The following PDE10A variants were observed in gnomAD, a reference collection of about 807,000 sequenced individuals.
PDE10A encodes phosphodiesterase 10A.
PDE10A carries 39 observed loss-of-function variants against 97.7 expected under a neutral mutation model. That is an observed-to-expected ratio of 0.40 (90% CI 0.31 to 0.52). The LOEUF (loss-of-function observed/expected upper bound fraction) is 0.52. PDE10A is among the 20% of genes least tolerant of loss of function. The pLI is 0.56. For synonymous variants in PDE10A, 371 were observed against 376.8 expected (o/e 0.98, Z 0.18); for missense variants, 731 against 1,047.8 (o/e 0.70, Z 4.17).
chr6:165,804,704 C>T (rs2128466117), intron 1 of PDE10A, among the ~76,000 whole-genome samples: 1 of 152,018 alleles, frequency 6.6e-6, no homozygotes, highest in East Asian at 2.0e-4. Context: ...AGAGCAGAGG[C>T]ACCGGCTCGG....
chr6:165,643,542 T>C (rs144092085), intron 1 of PDE10A, among the ~76,000 whole-genome samples: 2 of 152,258 alleles, frequency 1.3e-5, no homozygotes, highest in Non-Finnish European at 1.5e-5. Context: ...TTTCTTCTTT[T>C]GGAAATCGGA....
At chr6:165,947,778 G>A (rs940737868) in intron 1 of PDE10A, among the ~76,000 whole-genome samples, 2 of 152,030 alleles carry the variant, frequency 1.3e-5, no homozygotes, top group African/African-American at 4.8e-5. Flanking sequence ...AACAGGAAGG[G>A]GCTTCTCTTT....
At chr6:165,542,826 G>A (rs576910195) in intron 2 of PDE10A, among the ~76,000 whole-genome samples, 1 of 151,906 alleles carries the variant, frequency 6.6e-6, no homozygotes, top group Non-Finnish European at 1.5e-5. Context: ...CACTGTGTTA[G>A]CTAGGATGGT....
chr6:165,750,679 TGAG>T (rs1346524478), intron 1 of PDE10A, among the ~76,000 whole-genome samples: 3 of 152,208 alleles, frequency 2.0e-5, no homozygotes, highest in Non-Finnish European at 2.9e-5. Context: ...TTGACTGTCA[TGAG>T]GAGTTTTCCT....
intron 1 of PDE10A, among the ~76,000 whole-genome samples, chr6:165,556,800 G>C (rs1390470448): frequency 6.6e-6 from 1 of 151,962 alleles, no homozygotes; most frequent in Non-Finnish European, 1.5e-5. Flanking sequence ...ATCTATGACT[G>C]TCTACTGAGG....
chr6:165,798,987 C>T (rs1024773945), intron 1 of PDE10A, among the ~76,000 whole-genome samples: 10 of 152,240 alleles, frequency 6.6e-5, no homozygotes, highest in South Asian at 2.1e-4. Flanking sequence ...GGATTATAGG[C>T]GTGAGTCACT....
At chr6:165,797,970 C>T (rs1042578919) in intron 1 of PDE10A, among the ~76,000 whole-genome samples, 6 of 152,128 alleles carry the variant, frequency 3.9e-5, no homozygotes, top group Non-Finnish European at 7.4e-5. Flanking sequence ...ACAGAGTTGG[C>T]TAATTCAGGT....
intron 1 of PDE10A, among the ~76,000 whole-genome samples, chr6:165,916,730 C>CA (rs1360962467): frequency 1.3e-5 from 2 of 152,076 alleles, no homozygotes; most frequent in Non-Finnish European, 2.9e-5. Flanking sequence ...CAAAACAAAG[C>CA]AAAAAACGGA....
intron 1 of PDE10A, among the ~76,000 whole-genome samples, chr6:165,808,247 A>C (rs373495703): frequency 2.6e-5 from 4 of 152,314 alleles, no homozygotes; most frequent in African/African-American, 9.6e-5. Context: ...GCTTGTGAGC[A>C]TGTGATCTTT....
At chr6:165,578,236 T>A (rs1410481) in intron 1 of PDE10A, among the ~76,000 whole-genome samples, 3 of 151,976 alleles carry the variant, frequency 2.0e-5, no homozygotes, top group East Asian at 3.9e-4. Flanking sequence ...TTTGGATGGC[T>A]GCACTCTCAA....
intron 1 of PDE10A, among the ~76,000 whole-genome samples, chr6:165,604,518 T>TAAAAAAAAAAAAAA (rs34272357): frequency 2.7e-4 from 37 of 137,778 alleles, no homozygotes; most frequent in African/African-American, 9.5e-4. Context: ...CTCTCTTTGT[T>TAAAAAAAAAAAAAA]AAAAAAAAAA....
At chr6:165,598,374 A>C (rs1211007000) in intron 1 of PDE10A, among the ~76,000 whole-genome samples, 1 of 152,238 alleles carries the variant, frequency 6.6e-6, no homozygotes, top group Non-Finnish European at 1.5e-5. Context: ...TTTATTGTCA[A>C]GATTTCTTTC....
At chr6:165,960,109 G>T (rs776207930) in intron 1 of PDE10A, among the ~76,000 whole-genome samples, 2 of 152,178 alleles carry the variant, frequency 1.3e-5, no homozygotes, top group Non-Finnish European at 2.9e-5. Flanking sequence ...TCCACCTAGA[G>T]AGAAAGTGAG....
intron 1 of PDE10A, among the ~76,000 whole-genome samples, chr6:165,957,122 T>A (rs989196770): frequency 6.6e-6 from 1 of 152,086 alleles, no homozygotes; most frequent in South Asian, 2.1e-4. Context: ...GGCTGCCAGA[T>A]ATGAGGGTAG....
chr6:165,903,679 T>A (rs1334715075), intron 1 of PDE10A, among the ~76,000 whole-genome samples: 1 of 152,088 alleles, frequency 6.6e-6, no homozygotes, highest in African/African-American at 2.4e-5. Flanking sequence ...TGGGAATTAT[T>A]TTCATAAAGA....
intron 1 of PDE10A, among the ~76,000 whole-genome samples, chr6:165,852,519 G>T (rs6913711): frequency 0.022 from 3,377 of 152,292 alleles, 69 homozygotes; most frequent in South Asian, 0.11. Flanking sequence ...TAAATCACTT[G>T]AAATCATAGA....
intron 1 of PDE10A, among the ~76,000 whole-genome samples, chr6:165,593,288 G>A (rs1019516755): frequency 4.6e-5 from 7 of 152,092 alleles, no homozygotes; most frequent in African/African-American, 1.2e-4. Flanking sequence ...ATCACACACC[G>A]GGGCCTGTCA....
At position 165,552,571 on chromosome 6, in the gene PDE10A, A is replaced by G. The variant is rs74868525; in HGVS notation, c.866-9003T>C. On this transcript the variant is annotated intron_variant, in intron 1 of 21. Transcript: ENST00000539869. ...GAAAACTGGGAATTGAGTCTCTAAC[A>G]TGCTTCCCTGGTAGGTAACACTAGA... Among the ~76,000 whole-genome samples the G allele has an allele frequency of 2.0e-3, 300 of 152,296 alleles. 2 individuals are homozygous for G. Among genetic ancestry groups the G allele is most frequent in the African/African-American group, 7.0e-3 (291 of 41,562 alleles).
chr6:165,339,493 A>C (rs1783098510), intron 19 of PDE10A, 135 bp from the exon 20 acceptor site: 1 of 628,106 alleles, frequency 1.6e-6, no homozygotes, highest in East Asian at 2.7e-5. Context: ...ACCCAAGAAA[A>C]GTACATCAAA....
Sources: gnomAD v4.1 joint callset for allele counts (sites outside exome capture counted in the v4.1 genomes callset) on GRCh38, gnomAD v4.1.1 for gene constraint, MANE v1.5 for transcripts, NCBI Gene and HGNC (gene_info 2026-07-23, HGNC 2026-07-21) for gene names.